The following PDE1A variants were observed in gnomAD, a reference collection of about 807,000 sequenced individuals.
PDE1A encodes the protein phosphodiesterase 1A, also known as dual specificity calcium/calmodulin-dependent 3',5'-cyclic nucleotide phosphodiesterase 1A.
PDE1A carries 35 observed loss-of-function variants against 61.7 expected under a neutral mutation model. That is an observed-to-expected ratio of 0.57 (90% CI 0.43 to 0.75). The LOEUF is 0.75. Ranked by LOEUF, PDE1A falls within the 30% of genes least tolerant of loss-of-function variation. The pLI is 0.00. For missense variants in PDE1A, 597 were observed against 630.6 expected, an observed-to-expected ratio of 0.95 and a Z score of 0.57; for synonymous variants, 232 against 213.2, an observed-to-expected ratio of 1.09 and a Z score of -0.77.
the PDE1A span, among the ~76,000 whole-genome samples, chr2:182,641,678 T>C: frequency 6.6e-6 from 1 of 152,228 alleles, no homozygotes; most frequent in African/African-American, 2.4e-5. Flanking sequence ...AATAAGTTAA[T>C]TTTACAACCC....
At chr2:182,592,905 A>G in the PDE1A span, among the ~76,000 whole-genome samples, 2 of 152,162 alleles carry the variant, frequency 1.3e-5, no homozygotes, top group Non-Finnish European at 2.9e-5. Flanking sequence ...CCAGTTAGGA[A>G]CCGAAAGCAT....
the PDE1A span, among the ~76,000 whole-genome samples, chr2:182,540,386 G>A: frequency 1.2e-4 from 4 of 33,714 alleles, no homozygotes; most frequent in Admixed American, 3.9e-4. Flanking sequence ...AAAAAAAAAA[G>A]CAGCAGCAGC....
At chr2:182,634,247 T>G in the PDE1A span, among the ~76,000 whole-genome samples, 1 of 152,224 alleles carries the variant, frequency 6.6e-6, no homozygotes, top group Non-Finnish European at 1.5e-5. Flanking sequence ...AATGTACATT[T>G]ATTTTCTAGT....
intron 1 of PDE1A, among the ~76,000 whole-genome samples, chr2:182,395,171 T>A (rs1701632377): frequency 6.6e-6 from 1 of 152,222 alleles, no homozygotes; most frequent in Non-Finnish European, 1.5e-5. Context: ...TTCCTGTTCA[T>A]AAAGGCTGCT....
At chr2:182,389,984 A>T (rs1701330508) in intron 1 of PDE1A, among the ~76,000 whole-genome samples, 1 of 152,204 alleles carries the variant, frequency 6.6e-6, no homozygotes, top group Non-Finnish European at 1.5e-5. Context: ...CATCAGCCAC[A>T]GACTGAAGGC....
At chr2:182,340,080 T>C (rs1036645466) in intron 1 of PDE1A, among the ~76,000 whole-genome samples, 2 of 152,186 alleles carry the variant, frequency 1.3e-5, no homozygotes, top group African/African-American at 4.8e-5. Flanking sequence ...TTATGGGGAT[T>C]GTTGAATTAT....
chr2:182,475,335 G>C (rs927477578), intron 2 of PDE1A, among the ~76,000 whole-genome samples: 1 of 151,914 alleles, frequency 6.6e-6, no homozygotes, highest in Non-Finnish European at 1.5e-5. Context: ...CCCACTAATG[G>C]AGGCAAGACA....
intron 1 of PDE1A, among the ~76,000 whole-genome samples, chr2:182,398,569 C>A (rs1701832056): frequency 6.6e-6 from 1 of 151,888 alleles, no homozygotes; most frequent in Admixed American, 6.6e-5. Flanking sequence ...ACCTTATTTT[C>A]AGCATCCTCA....
At position 182,515,288 on chromosome 2, in the gene PDE1A, C is replaced by G. The variant is rs370115907; in HGVS notation, c.101+6988G>C. ...TTGTTGTTTGTCTCCTCTACAGGAA[C>G]AGTAGCTTCTGTGTCTAACATTGTA... On this transcript the variant is annotated intron_variant, in intron 2 of 14. Transcript: ENST00000410103. Among the ~76,000 whole-genome samples the G allele has an allele frequency of 1.1e-4, 17 of 152,208 alleles. No homozygotes were observed. The East Asian group carries it at 3.1e-3, about 28-fold the overall frequency.
chr2:182,646,685 GA>G, the PDE1A span, among the ~76,000 whole-genome samples: 379 of 135,740 alleles, frequency 2.8e-3, 1 homozygote, highest in Middle Eastern at 7.1e-3. Context: ...CTCCATCTAG[GA>G]AAAAAAAAAA....
chr2:182,606,049 T>C, the PDE1A span, among the ~76,000 whole-genome samples: 3 of 152,224 alleles, frequency 2.0e-5, no homozygotes, highest in South Asian at 2.1e-4. Flanking sequence ...TATCATACTG[T>C]CACTTAATGA....
At chr2:182,249,911 CCAT>C (rs1185253126) in intron 2 of PDE1A, among the ~76,000 whole-genome samples, 12 of 152,092 alleles carry the variant, frequency 7.9e-5, no homozygotes, top group Admixed American at 7.9e-4. Context: ...CATAATACCA[CCAT>C]GAGAAAGATC....
upstream of PDE1A, among the ~76,000 whole-genome samples, chr2:182,524,204 T>A (rs1690721586): frequency 6.6e-6 from 1 of 152,192 alleles, no homozygotes; most frequent in Non-Finnish European, 1.5e-5. Flanking sequence ...TACCTGATAT[T>A]TCTTTAATGA....
chr2:182,268,365 A>G (rs567487523), intron 1 of PDE1A, among the ~76,000 whole-genome samples: 17 of 152,172 alleles, frequency 1.1e-4, no homozygotes, highest in African/African-American at 4.1e-4. Context: ...AAAAGAATAA[A>G]TATCTATATA....
chr2:182,563,186 G>T, the PDE1A span, among the ~76,000 whole-genome samples: 2 of 151,780 alleles, frequency 1.3e-5, no homozygotes, highest in Non-Finnish European at 2.9e-5. Flanking sequence ...TTCTCTTGTG[G>T]GCATTTAGTG....
intron 1 of PDE1A, among the ~76,000 whole-genome samples, chr2:182,281,626 C>T (rs1314675306): frequency 1.3e-5 from 2 of 151,960 alleles, no homozygotes; most frequent in African/African-American, 2.4e-5. Context: ...TCAACACGTG[C>T]TTTTACAGCC....
At chr2:182,657,198 G>A in the PDE1A span, among the ~76,000 whole-genome samples, 1 of 152,094 alleles carries the variant, frequency 6.6e-6, no homozygotes, top group African/African-American at 2.4e-5. Context: ...ACTCCAGCCT[G>A]GTGACAGATC....
chr2:182,658,561 G>A, the PDE1A span, among the ~76,000 whole-genome samples: 9,700 of 152,204 alleles, frequency 0.064, 994 homozygotes, highest in African/African-American at 0.22. Context: ...CCACAGCATC[G>A]TGATTCTATA....
At chr2:182,188,992 G>C (rs1685472992) in exon 11 of PDE1A, 2 of 1,610,616 alleles carry the variant, frequency 1.2e-6, no homozygotes, top group Non-Finnish European at 8.5e-7. Context: ...TTTGTGACTG[G>C]GCCACCATGG....
Sources: gnomAD v4.1 joint callset for allele counts (sites outside exome capture counted in the v4.1 genomes callset) on GRCh38, gnomAD v4.1.1 for gene constraint, MANE v1.5 for transcripts, NCBI Gene and HGNC (gene_info 2026-07-23, HGNC 2026-07-21) for gene names.